Variants in ROBO2 observed in about 807,000 individuals in gnomAD.
ROBO2 encodes the protein roundabout homolog 2.
ROBO2 carries 53 observed loss-of-function variants against 160.8 expected under a neutral mutation model. That is an observed-to-expected ratio of 0.33 (90% CI 0.26 to 0.41). The LOEUF (loss-of-function observed/expected upper bound fraction) is 0.41. Among genes scored for constraint, ROBO2 ranks in the 10% least tolerant of loss-of-function variants. ROBO2 has a pLI of 1.00. For missense variants in ROBO2, 1,577 were observed against 1,722.4 expected, an observed-to-expected ratio of 0.92 and a Z score of 1.49; for synonymous variants, 664 against 611.7, an observed-to-expected ratio of 1.09 and a Z score of -1.26.
intron 2 of ROBO2, among the ~76,000 whole-genome samples, chr3:77,142,436 G>T (rs2076779856): frequency 6.6e-6 from 1 of 152,292 alleles, no homozygotes; most frequent in East Asian, 1.9e-4. Context: ...ACAAAGATTT[G>T]TTTTCCTCCA....
At chr3:77,023,327 C>T (rs1008243004) in intron 2 of ROBO2, among the ~76,000 whole-genome samples, 3 of 152,092 alleles carry the variant, frequency 2.0e-5, no homozygotes, top group African/African-American at 4.8e-5. Context: ...TTCAATTAAA[C>T]GTTTTTTTTC....
intron 23 of ROBO2, chr3:77,630,810 AG>A (rs1253623283): frequency 6.6e-6 from 1 of 152,030 alleles, no homozygotes; most frequent in African/African-American, 2.4e-5. Context: ...AAGTAAGAGC[AG>A]GTATTTAGAA....
intron 2 of ROBO2, among the ~76,000 whole-genome samples, chr3:76,082,960 T>G (rs548379469): frequency 1.3e-5 from 2 of 152,258 alleles, no homozygotes; most frequent in African/African-American, 4.8e-5. Context: ...GAAGCTTTTC[T>G]AAATTAAATC....
chr3:76,852,360 T>A (rs925805001), intron 2 of ROBO2, among the ~76,000 whole-genome samples: 1 of 152,182 alleles, frequency 6.6e-6, no homozygotes, highest in Non-Finnish European at 1.5e-5. Context: ...AAGTACTGAA[T>A]CAAAGACCCT....
At chr3:77,160,133 C>T (rs757794090) in intron 2 of ROBO2, among the ~76,000 whole-genome samples, 58 of 151,858 alleles carry the variant, frequency 3.8e-4, no homozygotes, top group Non-Finnish European at 6.9e-4. Context: ...GTTTCTCTGG[C>T]GATTATTAGC....
chr3:77,079,172 C>A (rs1462580448), intron 1 of ROBO2, among the ~76,000 whole-genome samples: 2 of 152,152 alleles, frequency 1.3e-5, no homozygotes, highest in African/African-American at 4.8e-5. Flanking sequence ...GTCTCAAACT[C>A]CTGACCTCAG....
At chr3:77,634,831 G>A (rs1340199960) in intron 23 of ROBO2, 39 bp from the exon 25 acceptor site, 1 of 1,594,254 alleles carries the variant, frequency 6.3e-7, no homozygotes, top group East Asian at 2.2e-5. Context: ...GTGCTATAAT[G>A]TCATTCTCTA....
At chr3:77,496,843 G>A (rs1289393769) in intron 5 of ROBO2, among the ~76,000 whole-genome samples, 7 of 152,042 alleles carry the variant, frequency 4.6e-5, no homozygotes, top group African/African-American at 1.7e-4. Flanking sequence ...GATGAGTTAA[G>A]GGAGTATTTT....
At chr3:77,473,478 G>C (rs1418409505) in intron 2 of ROBO2, among the ~76,000 whole-genome samples, 1 of 27,858 alleles carries the variant, frequency 3.6e-5, no homozygotes, top group Non-Finnish European at 8.0e-5. Flanking sequence ...TTTTTTTTTT[G>C]AGACAAAGTC....
chr3:76,681,877 T>C (rs977030435), intron 2 of ROBO2, among the ~76,000 whole-genome samples: 2 of 152,138 alleles, frequency 1.3e-5, no homozygotes, highest in Non-Finnish European at 2.9e-5. Flanking sequence ...GCTAGATTAT[T>C]TGAAGTCTTG....
At chr3:76,536,905 C>T (rs1038913377) in intron 2 of ROBO2, among the ~76,000 whole-genome samples, 1 of 152,086 alleles carries the variant, frequency 6.6e-6, no homozygotes, top group Non-Finnish European at 1.5e-5. Flanking sequence ...CCTTACTATG[C>T]CCTCAGCTCC....
chr3:77,306,957 T>C (rs943111800), intron 2 of ROBO2, among the ~76,000 whole-genome samples: 10 of 152,240 alleles, frequency 6.6e-5, no homozygotes, highest in African/African-American at 2.4e-4. Flanking sequence ...CGCAATTTCA[T>C]TTTTCATTCT....
At chr3:77,641,239 C>T (rs2095346453) in intron 24 of ROBO2, among the ~76,000 whole-genome samples, 1 of 152,176 alleles carries the variant, frequency 6.6e-6, no homozygotes, top group African/African-American at 2.4e-5. Flanking sequence ...AGACCCTGTT[C>T]CCTTCAGTTA....
At chr3:77,187,515 T>C (rs2081387373) in intron 2 of ROBO2, among the ~76,000 whole-genome samples, 2 of 151,926 alleles carry the variant, frequency 1.3e-5, no homozygotes, top group African/African-American at 2.4e-5. Context: ...TTTGGTCTCG[T>C]TTTTACAGGC....
intron 2 of ROBO2, among the ~76,000 whole-genome samples, chr3:77,374,013 T>TA (rs1266953559): frequency 1.3e-5 from 2 of 148,262 alleles, no homozygotes; most frequent in African/African-American, 2.5e-5. Context: ...CTACTAAAAA[T>TA]AAAAAAATTG....
intron 2 of ROBO2, among the ~76,000 whole-genome samples, chr3:76,766,235 T>C (rs962024621): frequency 6.6e-6 from 1 of 151,670 alleles, no homozygotes. Flanking sequence ...CGTACACTCC[T>C]ACCTCTGACC....
At chr3:76,380,228 C>A (rs758263804) in intron 2 of ROBO2, among the ~76,000 whole-genome samples, 1 of 152,058 alleles carries the variant, frequency 6.6e-6, no homozygotes, top group African/African-American at 2.4e-5. Context: ...TTAATACATT[C>A]ACTTGGCTAT....
chr3:76,407,675 A>C (rs973484422), intron 2 of ROBO2, among the ~76,000 whole-genome samples: 11 of 152,022 alleles, frequency 7.2e-5, no homozygotes, highest in Admixed American at 4.6e-4. Flanking sequence ...AATGGGTAAT[A>C]ATCTTTGTTA....
chr3:76,925,035 C>T (rs1324442431), intron 2 of ROBO2, among the ~76,000 whole-genome samples: 2 of 151,420 alleles, frequency 1.3e-5, no homozygotes, highest in Admixed American at 6.6e-5. Flanking sequence ...GGTGAAACCC[C>T]GTCTCTACTA....
Sources: allele counts gnomAD v4.1 joint callset (sites outside exome capture counted in the v4.1 genomes callset), GRCh38; gene constraint gnomAD v4.1.1; transcripts MANE v1.5; gene names NCBI Gene and HGNC (gene_info 2026-07-23, HGNC 2026-07-21).